The following PCDH11Y variants were observed in gnomAD, a reference collection of about 807,000 sequenced individuals.
PCDH11Y encodes the protein protocadherin 11 Y-linked.
For synonymous variants in PCDH11Y, 9 were observed against 83.6 expected (o/e 0.11, Z 4.87); for missense variants, 12 against 224.8 (o/e 0.05, Z 6.05).
At chrY:5,106,081 T>G, downstream of PCDH11Y, among the ~76,000 whole-genome samples, 1 of 33,661 alleles carries the variant, frequency 3.0e-5, no homozygotes, top group South Asian at 6.4e-4. Flanking sequence ...ATGCCTCATA[T>G]TTTGTGTACA....
chrY:5,496,646 G>GTT (rs148245949), intron 2 of PCDH11Y, among the ~76,000 whole-genome samples: 1 of 27,516 alleles, frequency 3.6e-5, no homozygotes, highest in Admixed American at 3.3e-4. Flanking sequence ...AAATGTTGTG[G>GTT]TTTTTTTTTT....
intron 2 of PCDH11Y, among the ~76,000 whole-genome samples, chrY:5,196,214 G>A: frequency 8.9e-5 from 3 of 33,798 alleles, no homozygotes; most frequent in Admixed American, 8.2e-4. Context: ...CTAGTTGGCA[G>A]AATTTTGACA....
chrY:5,567,185 A>T (rs1328320294), intron 3 of PCDH11Y, among the ~76,000 whole-genome samples: 20 of 32,194 alleles, frequency 6.2e-4, no homozygotes, highest in Non-Finnish European at 1.1e-3. Context: ...GTCTTCTGAA[A>T]ACCAAAGAAG....
At chrY:5,178,515 A>G in intron 2 of PCDH11Y, among the ~76,000 whole-genome samples, 1 of 33,305 alleles carries the variant, frequency 3.0e-5, no homozygotes, top group Non-Finnish European at 7.4e-5. Context: ...GCTGACATCT[A>G]CAAGAGCATA....
At chrY:5,408,406 G>A in intron 2 of PCDH11Y, among the ~76,000 whole-genome samples, 3 of 33,569 alleles carry the variant, frequency 8.9e-5, no homozygotes, top group African/African-American at 2.3e-4. Context: ...ATTTATTAAA[G>A]ATTCTGAAGT....
At chrY:5,703,045 C>T (rs2124712210) in intron 4 of PCDH11Y, among the ~76,000 whole-genome samples, 1 of 32,722 alleles carries the variant, frequency 3.1e-5, no homozygotes, top group Admixed American at 2.8e-4. Context: ...AAATAATAAG[C>T]TGTCTTGGAA....
intron 2 of PCDH11Y, among the ~76,000 whole-genome samples, chrY:5,306,309 C>T (rs1602901833): frequency 6.2e-5 from 2 of 32,408 alleles, no homozygotes; most frequent in East Asian, 8.2e-4. Context: ...CACACACACA[C>T]ACACATACAA....
chrY:5,446,595 G>A, intron 2 of PCDH11Y, among the ~76,000 whole-genome samples: 1 of 33,215 alleles, frequency 3.0e-5, no homozygotes. Flanking sequence ...TAAAGGTGAA[G>A]ACCATAAGAT....
chrY:5,305,709 C>T (rs2124663814), intron 2 of PCDH11Y, among the ~76,000 whole-genome samples: 1 of 32,912 alleles, frequency 3.0e-5, no homozygotes, highest in East Asian at 8.0e-4. Context: ...TAATAAAATC[C>T]ACACCACATA....
At chrY:5,683,112 A>G (rs2053560167) in intron 4 of PCDH11Y, among the ~76,000 whole-genome samples, 1 of 33,113 alleles carries the variant, frequency 3.0e-5, no homozygotes, top group Non-Finnish European at 7.5e-5. Context: ...CTGATAAACA[A>G]ATTCAGTACA....
chrY:5,127,274 C>T, intron 2 of PCDH11Y, among the ~76,000 whole-genome samples: 1 of 31,245 alleles, frequency 3.2e-5, no homozygotes, highest in African/African-American at 1.3e-4. Context: ...AGTGCAATCT[C>T]GGCTCACTGA....
At chrY:5,200,209 G>A (rs2052925354) in intron 2 of PCDH11Y, among the ~76,000 whole-genome samples, 4 of 32,537 alleles carry the variant, frequency 1.2e-4, no homozygotes, top group African/African-American at 4.8e-4. Context: ...AAACCTGAAT[G>A]TGTGGTATCC....
At chrY:5,308,562 G>A in intron 2 of PCDH11Y, among the ~76,000 whole-genome samples, 3 of 32,201 alleles carry the variant, frequency 9.3e-5, no homozygotes, top group Admixed American at 2.9e-4. Context: ...TGGAGGCTGA[G>A]GCAAGAGAAC....
Position 5,733,926 on chromosome Y carries a change from C to G in PCDH11Y, c.3353-3346C>G, listed in dbSNP as rs377270700. 9.0e-5 allele frequency among the ~76,000 whole-genome samples: 3 copies of G among 33,344 alleles called. No homozygotes were observed. The South Asian group carries it at 2.0e-3, about 23-fold the overall frequency. 89.5% of individuals were successfully genotyped at this position (33,344 alleles called of 37,273 possible). ...GTGAAGCAGAGAGAACCACCCTTCACCAAGATCTCTGCATAGTAGGGGTGG... is the reference window on the plus strand; with the variant it reads ...GTGAAGCAGAGAGAACCACCCTTCAGCAAGATCTCTGCATAGTAGGGGTGG... On this transcript the variant is annotated intron_variant, in intron 4 of 4. Transcript: ENST00000400457.
chrY:5,488,961 C>A, intron 2 of PCDH11Y, among the ~76,000 whole-genome samples: 2 of 31,871 alleles, frequency 6.3e-5, no homozygotes, highest in African/African-American at 1.2e-4. Flanking sequence ...TCCTTCAATG[C>A]CATGAGATTC....
chrY:5,529,342 C>T (rs2053390642), intron 3 of PCDH11Y, among the ~76,000 whole-genome samples: 1 of 31,429 alleles, frequency 3.2e-5, no homozygotes, highest in Non-Finnish European at 7.8e-5. Flanking sequence ...AGGGTAGTGG[C>T]GTGATTGAGG....
intron 2 of PCDH11Y, among the ~76,000 whole-genome samples, chrY:5,341,836 A>G: frequency 3.3e-5 from 1 of 29,999 alleles, no homozygotes; most frequent in Non-Finnish European, 7.9e-5. Context: ...GACACCTATA[A>G]TCCCAGCTAC....
intron 2 of PCDH11Y, among the ~76,000 whole-genome samples, chrY:5,313,449 T>TGTA (rs2053103957): frequency 1.2e-4 from 4 of 33,336 alleles, no homozygotes; most frequent in African/African-American, 4.6e-4. Context: ...TGGAGACTAT[T>TGTA]GTAGTGTCCT....
At chrY:5,707,802 G>A in intron 4 of PCDH11Y, among the ~76,000 whole-genome samples, 2 of 31,686 alleles carry the variant, frequency 6.3e-5, no homozygotes, top group African/African-American at 2.5e-4. Context: ...TTTATTCAAG[G>A]GGATACTATT....
Sources: allele counts gnomAD v4.1 joint callset (sites outside exome capture counted in the v4.1 genomes callset), GRCh38; gene constraint gnomAD v4.1.1; transcripts MANE v1.5; gene names NCBI Gene and HGNC (gene_info 2026-07-23, HGNC 2026-07-21).